Variants in TENM2 observed in about 807,000 individuals in gnomAD.
The protein encoded by TENM2 is teneurin-2.
TENM2 carries 52 observed loss-of-function variants against 245.2 expected under a neutral mutation model. The ratio of observed to expected loss-of-function variants is 0.21; its 90% confidence interval spans 0.17 to 0.27. The LOEUF (loss-of-function observed/expected upper bound fraction) is 0.27. Ranked by LOEUF, TENM2 falls within the 10% of genes least tolerant of loss-of-function variation. The pLI is 1.00. For missense variants in TENM2, 3,046 were observed against 3,666.8 expected (o/e 0.83, Z 4.37); for synonymous variants, 1,363 against 1,438.9 (o/e 0.95, Z 1.19).
intron 13 of TENM2, among the ~76,000 whole-genome samples, chr5:168,167,241 G>C (rs1202131285): frequency 6.6e-6 from 1 of 152,120 alleles, no homozygotes; most frequent in Non-Finnish European, 1.5e-5. Context: ...CCAAGACAGA[G>C]GTGTGAGATT....
chr5:168,232,092 G>A (rs141620284), intron 25 of TENM2, among the ~76,000 whole-genome samples: 1 of 152,310 alleles, frequency 6.6e-6, no homozygotes, highest in Non-Finnish European at 1.5e-5. Context: ...AGATCTCTCT[G>A]ACTTCCTCAG....
chr5:168,155,700 G>A (rs973804100), intron 12 of TENM2, among the ~76,000 whole-genome samples: 7 of 151,912 alleles, frequency 4.6e-5, no homozygotes, highest in African/African-American at 1.7e-4. Context: ...ATCTCAGAGT[G>A]AGGCAAAGAG....
intron 2 of TENM2, among the ~76,000 whole-genome samples, chr5:167,751,932 G>A (rs910528749): frequency 4.0e-5 from 6 of 150,590 alleles, no homozygotes; most frequent in Admixed American, 1.3e-4. Context: ...TCTTGAGGAC[G>A]CGTAGTTTCT....
intron 2 of TENM2, among the ~76,000 whole-genome samples, chr5:167,701,025 C>G (rs279416): frequency 6.7e-6 from 1 of 148,150 alleles, no homozygotes. Flanking sequence ...AATTAATTTT[C>G]GTTTCAAAAG....
At chr5:167,392,921 AGACCAACCT>A (rs1309208745) in intron 2 of TENM2, among the ~76,000 whole-genome samples, 1 of 152,138 alleles carries the variant, frequency 6.6e-6, no homozygotes, top group African/African-American at 2.4e-5. Flanking sequence ...CAGGAGTTCA[AGACCAACCT>A]GGCCAACATG....
intron 2 of TENM2, among the ~76,000 whole-genome samples, chr5:167,838,498 C>G (rs749819185): frequency 6.6e-6 from 1 of 152,170 alleles, no homozygotes; most frequent in South Asian, 2.1e-4. Context: ...CCATTGCTTA[C>G]TGTCTGCTTG....
intron 3 of TENM2, chr5:167,934,825 G>C (rs755028211): frequency 2.6e-5 from 26 of 983,440 alleles, no homozygotes; most frequent in Non-Finnish European, 2.9e-5. Context: ...TCAGCATCAC[G>C]GGCAGCTAGC....
intron 2 of TENM2, among the ~76,000 whole-genome samples, chr5:167,399,924 T>C (rs769028467): frequency 9.2e-5 from 14 of 151,760 alleles, no homozygotes; most frequent in Non-Finnish European, 1.8e-4. Flanking sequence ...ACAAAGATAC[T>C]GTAAATTCAG....
At chr5:167,474,108 A>G (rs1238159714) in intron 2 of TENM2, among the ~76,000 whole-genome samples, 1 of 152,012 alleles carries the variant, frequency 6.6e-6, no homozygotes, top group Non-Finnish European at 1.5e-5. Flanking sequence ...CCAATGATGA[A>G]ATTTTTTAAA....
At chr5:167,576,775 A>G (rs1418973516) in intron 2 of TENM2, among the ~76,000 whole-genome samples, 4 of 152,222 alleles carry the variant, frequency 2.6e-5, no homozygotes, top group African/African-American at 9.6e-5. Context: ...TGCAACCTCT[A>G]AAGTAATAGA....
At chr5:166,996,465 G>A in the TENM2 span, among the ~76,000 whole-genome samples, 1 of 152,204 alleles carries the variant, frequency 6.6e-6, no homozygotes, top group African/African-American at 2.4e-5. Context: ...GTTCAATTGC[G>A]TGTTTTCCGT....
chr5:167,405,769 A>AC (rs1762599972), intron 2 of TENM2, among the ~76,000 whole-genome samples: 9 of 145,182 alleles, frequency 6.2e-5, no homozygotes, highest in East Asian at 6.2e-4. Flanking sequence ...CACACACACA[A>AC]ACACACACAC....
intron 25 of TENM2, among the ~76,000 whole-genome samples, chr5:168,236,911 G>A (rs539502570): frequency 1.1e-3 from 109 of 101,356 alleles, no homozygotes; most frequent in African/African-American, 3.9e-3. Flanking sequence ...AAGCTTTTCA[G>A]ATATTTTGAG....
At chr5:167,807,327 A>C (rs1255547346) in intron 2 of TENM2, among the ~76,000 whole-genome samples, 1 of 151,934 alleles carries the variant, frequency 6.6e-6, no homozygotes, top group African/African-American at 2.4e-5. Context: ...CCATCCCTAA[A>C]GCAATTGCTC....
intron 12 of TENM2, 135 bp from the exon 15 acceptor site, chr5:168,162,476 G>A (rs1757829630): frequency 1.2e-6 from 1 of 856,296 alleles, no homozygotes; most frequent in Non-Finnish European, 1.8e-6. Flanking sequence ...TGACTCTGTG[G>A]AAGGCAGGCG....
intron 2 of TENM2, among the ~76,000 whole-genome samples, chr5:167,757,752 T>A (rs1762402979): frequency 6.6e-6 from 1 of 152,202 alleles, no homozygotes; most frequent in Non-Finnish European, 1.5e-5. Context: ...TTCCAGCATC[T>A]GGTGTTTCCT....
chr5:167,993,495 T>A (rs947843341), intron 5 of TENM2, among the ~76,000 whole-genome samples: 1 of 152,384 alleles, frequency 6.6e-6, no homozygotes. Flanking sequence ...AGAGTGGCCT[T>A]CTAGTTTTCT....
chr5:167,349,651 T>A (rs1310724723), intron 1 of TENM2, among the ~76,000 whole-genome samples: 7 of 152,228 alleles, frequency 4.6e-5, no homozygotes, highest in Middle Eastern at 3.2e-3. Context: ...TATGTATATG[T>A]ACACACACAG....
chr5:167,978,454 G>A (rs569619267), intron 4 of TENM2, among the ~76,000 whole-genome samples: 151 of 152,336 alleles, frequency 9.9e-4, no homozygotes, highest in Non-Finnish European at 2.0e-3. Flanking sequence ...AGGGAATGAA[G>A]TGCTGATACA....
Sources: gnomAD v4.1 joint callset for allele counts (sites outside exome capture counted in the v4.1 genomes callset) on GRCh38, gnomAD v4.1.1 for gene constraint, MANE v1.5 for transcripts, NCBI Gene and HGNC (gene_info 2026-07-23, HGNC 2026-07-21) for gene names.